The following ATXN7L1 variants were observed in gnomAD, a reference collection of about 807,000 sequenced individuals.
ATXN7L1 encodes the protein ataxin 7 like 1.
ATXN7L1 carries 15 observed loss-of-function variants against 70.8 expected under a neutral mutation model. That is an observed-to-expected ratio of 0.21 (90% CI 0.14 to 0.33). The LOEUF (loss-of-function observed/expected upper bound fraction) is 0.33. Ranked by LOEUF, ATXN7L1 falls within the 10% of genes least tolerant of loss-of-function variation. ATXN7L1 has a pLI of 1.00. For synonymous variants in ATXN7L1, 440 were observed against 445.1 expected (o/e 0.99, Z 0.14); for missense variants, 975 against 1,097.1 (o/e 0.89, Z 1.57).
chr7:105,649,341 G>C, intron 4 of ATXN7L1: 2 of 984,534 alleles, frequency 2.0e-6, no homozygotes, highest in Non-Finnish European at 2.4e-6. Flanking sequence ...TCTCGGTCCT[G>C]GGAAAGAAAC....
At chr7:105,801,211 T>G (rs1031229716) in intron 2 of ATXN7L1, among the ~76,000 whole-genome samples, 3 of 152,202 alleles carry the variant, frequency 2.0e-5, no homozygotes, top group Non-Finnish European at 2.9e-5. Flanking sequence ...GTATGAAGTT[T>G]CACTGGAGCA....
chr7:105,613,386 A>T, intron 10 of ATXN7L1: 1 of 705,178 alleles, frequency 1.4e-6, no homozygotes, highest in Non-Finnish European at 1.7e-6. Context: ...AGGCGCTCCC[A>T]CTCCCAGGTG....
intron 3 of ATXN7L1, among the ~76,000 whole-genome samples, chr7:105,733,887 A>ACCCAC (rs1797070660): frequency 1.3e-5 from 1 of 79,886 alleles, no homozygotes. Context: ...TCCATCATCC[A>ACCCAC]TCATCCATCC....
intron 9 of ATXN7L1, among the ~76,000 whole-genome samples, chr7:105,619,889 A>G (rs1790053): frequency 0.96 from 145,603 of 151,960 alleles, 70,068 homozygotes; most frequent in East Asian, 1. Context: ...TAGATTCTCT[A>G]GGAGCAATAA....
chr7:105,734,711 C>T (rs1189747381), intron 3 of ATXN7L1, among the ~76,000 whole-genome samples: 2 of 151,290 alleles, frequency 1.3e-5, no homozygotes, highest in African/African-American at 4.9e-5. Flanking sequence ...GAAAGTGATT[C>T]CTGAATGTTG....
chr7:105,726,543 T>A (rs561543756), intron 3 of ATXN7L1, among the ~76,000 whole-genome samples: 147 of 152,162 alleles, frequency 9.7e-4, no homozygotes, highest in Non-Finnish European at 1.7e-3. Flanking sequence ...GTGCTGGGCT[T>A]CATGCTTGGC....
At chr7:105,716,650 C>T (rs524876) in intron 3 of ATXN7L1, among the ~76,000 whole-genome samples, 50,940 of 145,990 alleles carry the variant, frequency 0.35, 10,668 homozygotes, top group African/African-American at 0.58. Flanking sequence ...GGCAACATGG[C>T]GAAAACCTAT....
chr7:105,819,692 C>A (rs1232984123), intron 2 of ATXN7L1: 7 of 926,152 alleles, frequency 7.6e-6, no homozygotes, highest in Non-Finnish European at 1.2e-5. Context: ...CCAACCCTTC[C>A]CGAGGCCCCT....
At chr7:105,854,355 C>T (rs898217994) in intron 2 of ATXN7L1, among the ~76,000 whole-genome samples, 1 of 151,614 alleles carries the variant, frequency 6.6e-6, no homozygotes, top group Non-Finnish European at 1.5e-5. Context: ...GGACACACAA[C>T]ATCTGTGGGA....
chr7:105,793,636 T>G (rs1805563936), intron 2 of ATXN7L1, among the ~76,000 whole-genome samples: 1 of 152,154 alleles, frequency 6.6e-6, no homozygotes, highest in Non-Finnish European at 1.5e-5. Flanking sequence ...CAAGAAAACA[T>G]GTGCCCAATG....
chr7:105,735,403 G>C (rs1383758819), intron 3 of ATXN7L1, among the ~76,000 whole-genome samples: 4 of 152,096 alleles, frequency 2.6e-5, no homozygotes, highest in Non-Finnish European at 4.4e-5. Context: ...TCTTTCTCTT[G>C]TATTATTATT....
intron 8 of ATXN7L1, among the ~76,000 whole-genome samples, chr7:105,622,997 G>A (rs1385380102): frequency 6.6e-6 from 1 of 152,182 alleles, no homozygotes; most frequent in Non-Finnish European, 1.5e-5. Flanking sequence ...GCCCTGCTAC[G>A]TGAGATGATT....
At chr7:105,679,789 C>CG (rs980266713) in intron 3 of ATXN7L1, among the ~76,000 whole-genome samples, 5 of 151,788 alleles carry the variant, frequency 3.3e-5, no homozygotes, top group African/African-American at 1.2e-4. Context: ...GAAAAGAAGG[C>CG]GGGGGGAGTG....
intron 3 of ATXN7L1, among the ~76,000 whole-genome samples, chr7:105,685,044 G>GATA (rs112358794): frequency 0.19 from 26,879 of 142,324 alleles, 2,642 homozygotes; most frequent in African/African-American, 0.25. Flanking sequence ...GAGAAGAGAT[G>GATA]ATAATAATAA....
Position 105,665,115 on chromosome 7 carries a change from T to C in ATXN7L1, c.529A>G (p.Ser177Gly), listed in dbSNP as rs1438795058. 3.9e-6 allele frequency: 6 copies of C among 1,551,592 alleles called. No homozygotes were observed. The African/African-American group carries it at 4.1e-5, about 11-fold the overall frequency. Residue 177 changes from serine (S) to glycine (G), a missense_variant, in exon 4 of 12, where the codon AGC becomes GGC. This residue lies in a region of ATXN7L1 where 192 missense variants were observed against 215.5 expected (regional missense o/e 0.89). Transcript: ENST00000419735. ...TPKDNLLTSSSKQHTVFPAKG... is the reference protein window; with the variant it reads ...TPKDNLLTSSGKQHTVFPAKG... Reference sequence around the variant, plus strand: ...GCAGGAAAGACTGTGTGCTGTTTGCTGCTGGAGGTAAGTAGATTGTCTTTG... The same window carrying C: ...GCAGGAAAGACTGTGTGCTGTTTGCCGCTGGAGGTAAGTAGATTGTCTTTG...
chr7:105,643,153 GTCT>G, intron 4 of ATXN7L1, 32 bp from the exon 5 acceptor site: 2 of 1,480,032 alleles, frequency 1.4e-6, no homozygotes, highest in Non-Finnish European at 1.8e-6. Flanking sequence ...ACACACAATT[GTCT>G]TCTTTGATAC....
At chr7:105,742,762 T>C (rs1369745659) in intron 3 of ATXN7L1, among the ~76,000 whole-genome samples, 2 of 152,222 alleles carry the variant, frequency 1.3e-5, no homozygotes, top group African/African-American at 4.8e-5. Context: ...TCCATATTCA[T>C]ACTTCCAGGG....
At chr7:105,869,624 A>T (rs1181022284) in intron 2 of ATXN7L1, among the ~76,000 whole-genome samples, 1 of 152,192 alleles carries the variant, frequency 6.6e-6, no homozygotes, top group Admixed American at 6.5e-5. Flanking sequence ...TCAGAAGAAC[A>T]GCAAACTCTT....
intron 5 of ATXN7L1, among the ~76,000 whole-genome samples, chr7:105,640,477 G>A (rs1434416200): frequency 6.6e-6 from 1 of 152,222 alleles, no homozygotes; most frequent in Non-Finnish European, 1.5e-5. Flanking sequence ...ACCCCTGCCA[G>A]GAAGACAATC....
Sources: gnomAD v4.1 joint callset for allele counts (sites outside exome capture counted in the v4.1 genomes callset) on GRCh38, gnomAD v4.1.1 for gene constraint, gnomAD v4.1.1 regional missense constraint, MANE v1.5 for transcripts, NCBI Gene and HGNC (gene_info 2026-07-23, HGNC 2026-07-21) for gene names.